The following NOS1AP variants were observed in gnomAD, a reference collection of about 807,000 sequenced individuals.
The protein encoded by NOS1AP is nitric oxide synthase 1 adaptor protein.
A neutral mutation model predicts 56.2 loss-of-function variants in NOS1AP; 21 were observed. That is an observed-to-expected ratio of 0.37 (90% CI 0.26 to 0.54). The LOEUF (loss-of-function observed/expected upper bound fraction) is 0.54. Among genes scored for constraint, NOS1AP ranks in the 20% least tolerant of loss-of-function variants. NOS1AP has a pLI of 0.84. For synonymous variants in NOS1AP, 270 were observed against 274.6 expected (o/e 0.98, Z 0.17); for missense variants, 522 against 657.8 (o/e 0.79, Z 2.26).
intron 2 of NOS1AP, among the ~76,000 whole-genome samples, chr1:162,230,794 G>T (rs1653097238): frequency 6.6e-6 from 1 of 152,130 alleles, no homozygotes; most frequent in African/African-American, 2.4e-5. Flanking sequence ...ATGTCCTCAA[G>T]GTTCATCTTT....
chr1:162,301,303 T>G (rs1655645870), intron 4 of NOS1AP, among the ~76,000 whole-genome samples: 1 of 152,104 alleles, frequency 6.6e-6, no homozygotes, highest in Non-Finnish European at 1.5e-5. Flanking sequence ...AGTGACCTTA[T>G]TTTATAAAAA....
chr1:162,337,764 C>T (rs1325511743), intron 5 of NOS1AP, among the ~76,000 whole-genome samples: 3 of 152,196 alleles, frequency 2.0e-5, no homozygotes, highest in African/African-American at 2.4e-5. Context: ...TAGAAAATCA[C>T]ACCTGCTTTG....
At chr1:162,227,389 A>G (rs1198900904) in intron 2 of NOS1AP, among the ~76,000 whole-genome samples, 2 of 152,226 alleles carry the variant, frequency 1.3e-5, no homozygotes, top group Non-Finnish European at 2.9e-5. Flanking sequence ...TAACAATTAA[A>G]AAACAAGGGG....
chr1:162,289,444 C>G (rs1041779857), intron 3 of NOS1AP, among the ~76,000 whole-genome samples: 3 of 149,840 alleles, frequency 2.0e-5, no homozygotes, highest in African/African-American at 7.4e-5. Context: ...ATTACTGGCG[C>G]CTGCCACCAC....
chr1:162,254,979 C>T (rs1353431270), intron 2 of NOS1AP, among the ~76,000 whole-genome samples: 1 of 152,182 alleles, frequency 6.6e-6, no homozygotes, highest in Non-Finnish European at 1.5e-5. Context: ...TAAAGAGGCT[C>T]TTTGTGGTCC....
intron 1 of NOS1AP, among the ~76,000 whole-genome samples, chr1:162,093,190 C>T (rs1692170400): frequency 6.6e-6 from 1 of 152,112 alleles, no homozygotes; most frequent in Admixed American, 6.6e-5. Context: ...AATATCTCCC[C>T]TATCTGAGCA....
intron 1 of NOS1AP, among the ~76,000 whole-genome samples, chr1:162,097,407 A>G (rs1378143450): frequency 6.6e-6 from 1 of 152,170 alleles, no homozygotes; most frequent in Admixed American, 6.5e-5. Flanking sequence ...TAAATGTAAA[A>G]TGTATATCTT....
chr1:162,174,765 T>C (rs1206529586), intron 2 of NOS1AP, among the ~76,000 whole-genome samples: 7 of 152,222 alleles, frequency 4.6e-5, no homozygotes, highest in Non-Finnish European at 8.8e-5. Context: ...TACTTGTTCA[T>C]ATTTCCTTAG....
intron 3 of NOS1AP, among the ~76,000 whole-genome samples, chr1:162,292,341 G>T (rs1167654955): frequency 6.6e-6 from 1 of 152,196 alleles, no homozygotes; most frequent in Non-Finnish European, 1.5e-5. Flanking sequence ...ACCAGAGGGA[G>T]CAAACTGATG....
chr1:162,238,028 C>T (rs1653361813), intron 2 of NOS1AP, among the ~76,000 whole-genome samples: 1 of 152,038 alleles, frequency 6.6e-6, no homozygotes, highest in African/African-American at 2.4e-5. Flanking sequence ...TCATCATGAG[C>T]CACATCTGAC....
At chr1:162,169,445 T>C (rs1450294483) in intron 2 of NOS1AP, among the ~76,000 whole-genome samples, 1 of 152,196 alleles carries the variant, frequency 6.6e-6, no homozygotes, top group Non-Finnish European at 1.5e-5. Flanking sequence ...AGAGATCATA[T>C]TGATTTGTGA....
intron 1 of NOS1AP, among the ~76,000 whole-genome samples, chr1:162,091,216 A>G (rs1321836723): frequency 6.6e-6 from 1 of 151,880 alleles, no homozygotes; most frequent in Non-Finnish European, 1.5e-5. Context: ...GTCCTGGGCA[A>G]TCAGTTTTGA....
chr1:162,205,103 C>A (rs914999076), intron 2 of NOS1AP, among the ~76,000 whole-genome samples: 1 of 152,182 alleles, frequency 6.6e-6, no homozygotes, highest in African/African-American at 2.4e-5. Flanking sequence ...GGAGAGAAAG[C>A]AAAACTGATG....
At chr1:162,357,924 T>G (rs1657754392) in intron 8 of NOS1AP, among the ~76,000 whole-genome samples, 1 of 148,504 alleles carries the variant, frequency 6.7e-6, no homozygotes, top group South Asian at 2.1e-4. Context: ...CCACCAGCAC[T>G]CAGGGAATGG....
chr1:162,325,019 A>T (rs1656539922), intron 4 of NOS1AP, among the ~76,000 whole-genome samples: 3 of 152,250 alleles, frequency 2.0e-5, no homozygotes, highest in African/African-American at 7.2e-5. Context: ...GACCAGTTCC[A>T]TGAGGGATTT....
At chr1:162,189,713 T>C (rs1651559069) in intron 2 of NOS1AP, among the ~76,000 whole-genome samples, 1 of 151,810 alleles carries the variant, frequency 6.6e-6, no homozygotes, top group Non-Finnish European at 1.5e-5. Flanking sequence ...AAAGAGAAAA[T>C]AAAGAGAAAA....
intron 6 of NOS1AP, among the ~76,000 whole-genome samples, chr1:162,352,311 G>A (rs368160137): frequency 4.1e-4 from 60 of 144,842 alleles, no homozygotes; most frequent in African/African-American, 1.4e-3. Flanking sequence ...CACCCACCCC[G>A]GCCTCCCAAA....
chr1:162,365,595 G>A (rs1658060281), intron 9 of NOS1AP, 26 bp downstream of exon 9: 16 of 1,605,422 alleles, frequency 1.0e-5, no homozygotes, highest in African/African-American at 1.3e-5. Context: ...GCCCAGCCCT[G>A]CTTCCTCTGT....
intron 2 of NOS1AP, among the ~76,000 whole-genome samples, chr1:162,234,709 T>C (rs1653230395): frequency 6.6e-6 from 1 of 152,194 alleles, no homozygotes; most frequent in Admixed American, 6.5e-5. Context: ...GAATGGGTGC[T>C]GCCATAACTC....
Sources: gnomAD v4.1 joint callset for allele counts (sites outside exome capture counted in the v4.1 genomes callset) on GRCh38, gnomAD v4.1.1 for gene constraint, MANE v1.5 for transcripts, NCBI Gene and HGNC (gene_info 2026-07-23, HGNC 2026-07-21) for gene names.